Variants in CNIH3 observed in about 807,000 individuals in gnomAD.
CNIH3 encodes the protein cornichon family AMPA receptor auxiliary protein 3, also known as protein cornichon homolog 3.
In CNIH3, 14 loss-of-function variants were observed where a neutral mutation model predicts 24.1. That is an observed-to-expected ratio of 0.58 (90% CI 0.38 to 0.91). CNIH3 has a LOEUF of 0.91. CNIH3 is among the 40% of genes least tolerant of loss of function. The pLI, the probability that CNIH3 is intolerant of heterozygous loss-of-function variation, is 0.00. For synonymous variants in CNIH3, 68 were observed against 73.8 expected (o/e 0.92, Z 0.40); for missense variants, 178 against 196.8 (o/e 0.90, Z 0.57).
intron 1 of CNIH3, among the ~76,000 whole-genome samples, chr1:224,474,901 C>T (rs943567535): frequency 2.6e-5 from 4 of 151,430 alleles, no homozygotes; most frequent in Non-Finnish European, 4.4e-5. Flanking sequence ...AAAAGCCGGT[C>T]GTGGCAGTGG....
At position 224,701,424 on chromosome 1, in the gene CNIH3, G is replaced by T. The variant is rs192185050; in HGVS notation, c.198+16581G>T. 2.3e-3 allele frequency among the ~76,000 whole-genome samples: 344 copies of T among 152,206 alleles called. 1 individual carries two copies. Among genetic ancestry groups the T allele is most frequent in the South Asian group, 5.4e-3 (26 of 4,812 alleles). ...GTTCATAGACAGCTGTCTTCTTGCT[G>T]CAGCCTTACATGGTGGAGGGGCAAG... On this transcript the variant is annotated intron_variant, in intron 3 of 5. Coordinates refer to ENST00000272133, the MANE Select transcript of CNIH3 (RefSeq NM_152495.2).
intron 1 of CNIH3, among the ~76,000 whole-genome samples, chr1:224,635,905 G>A (rs1002699053): frequency 6.6e-6 from 1 of 151,956 alleles, no homozygotes; most frequent in African/African-American, 2.4e-5. Flanking sequence ...GAAATGGGGG[G>A]GTCTCACTCC....
chr1:224,567,924 G>GA (rs1238529546), intron 4 of CNIH3, among the ~76,000 whole-genome samples: 2 of 152,100 alleles, frequency 1.3e-5, no homozygotes, highest in African/African-American at 4.8e-5. Context: ...CTGATCCTGT[G>GA]GCATTCTTCC....
At chr1:224,688,630 A>G (rs555973148) in intron 3 of CNIH3, among the ~76,000 whole-genome samples, 4 of 152,244 alleles carry the variant, frequency 2.6e-5, no homozygotes, top group Admixed American at 1.3e-4. Flanking sequence ...ACATACTACA[A>G]AATTTACATA....
chr1:224,615,211 A>T, upstream of CNIH3: 1 of 152,122 alleles, frequency 6.6e-6, no homozygotes, highest in East Asian at 1.9e-4. Context: ...CACCCTGTGC[A>T]AGGTACCAGG....
At chr1:224,614,324 T>C (rs1682839414), upstream of CNIH3, among the ~76,000 whole-genome samples, 1 of 152,254 alleles carries the variant, frequency 6.6e-6, no homozygotes, top group East Asian at 1.9e-4. Flanking sequence ...CATCAGCCTC[T>C]GGATTTGCTC....
chr1:224,702,227 C>T (rs145644948), intron 3 of CNIH3, among the ~76,000 whole-genome samples: 1 of 152,090 alleles, frequency 6.6e-6, no homozygotes, highest in Non-Finnish European at 1.5e-5. Flanking sequence ...ATTACACAAG[C>T]TTTCATAATA....
chr1:224,590,505 G>A (rs1468298779), downstream of CNIH3, among the ~76,000 whole-genome samples: 1 of 152,166 alleles, frequency 6.6e-6, no homozygotes, highest in Non-Finnish European at 1.5e-5. Flanking sequence ...TCACAGTTCT[G>A]GGGCTGGGAA....
intron 3 of CNIH3, among the ~76,000 whole-genome samples, chr1:224,708,886 T>G (rs1687975084): frequency 6.6e-6 from 1 of 152,194 alleles, no homozygotes; most frequent in African/African-American, 2.4e-5. Flanking sequence ...AAATTTGTTT[T>G]CATTTGACTC....
intron 1 of CNIH3, among the ~76,000 whole-genome samples, chr1:224,642,017 G>T (rs1240101880): frequency 6.6e-6 from 1 of 152,160 alleles, no homozygotes; most frequent in African/African-American, 2.4e-5. Context: ...TGTAATTCCT[G>T]CCCTTAGGAT....
At chr1:224,516,362 A>G (rs964714900) in intron 1 of CNIH3, among the ~76,000 whole-genome samples, 11 of 148,696 alleles carry the variant, frequency 7.4e-5, no homozygotes, top group African/African-American at 2.7e-4. Context: ...TCGGCTTGGC[A>G]CATAAAGCCC....
intron 1 of CNIH3, among the ~76,000 whole-genome samples, chr1:224,643,040 T>G (rs1311598725): frequency 6.6e-6 from 1 of 152,226 alleles, no homozygotes; most frequent in Admixed American, 6.5e-5. Flanking sequence ...GTCAACCAGC[T>G]AAGATCTGGC....
Position 224,616,729 on chromosome 1 carries a change from G to C in CNIH3, c.-446G>C. On this transcript the variant is annotated 5_prime_UTR_variant, in exon 1 of 6. Coordinates refer to ENST00000272133, the MANE Select transcript of CNIH3 (RefSeq NM_152495.2). Reference sequence around the variant, plus strand: ...CCGGTGGCGCGGGAGGGTCCGGAGCGGAGCGCTCGTCTCTCCTCAGCGGTT... The same window carrying C: ...CCGGTGGCGCGGGAGGGTCCGGAGCCGAGCGCTCGTCTCTCCTCAGCGGTT... 1.0e-6 allele frequency: 1 copy of C among 999,076 alleles called. No individual in the cohort carries two copies. The allele number at this position is 999,076 out of a possible 1,614,324, so 61.9% of individuals were successfully genotyped here. A position where few individuals can be genotyped will look rare whatever the true frequency, so the allele number is the denominator to read the frequency against.
chr1:224,588,827 CT>C (rs1681618892), downstream of CNIH3, among the ~76,000 whole-genome samples: 1 of 151,562 alleles, frequency 6.6e-6, no homozygotes, highest in South Asian at 2.1e-4. Context: ...AAAAAAAAGA[CT>C]TTGGATAATA....
At chr1:224,595,016 C>T (rs1383120001) in intron 3 of CNIH3, among the ~76,000 whole-genome samples, 2 of 152,198 alleles carry the variant, frequency 1.3e-5, no homozygotes, top group South Asian at 2.1e-4. Flanking sequence ...ATTTCTCCAA[C>T]ATCATGTGCT....
chr1:224,612,461 G>C (rs1177136594), upstream of CNIH3, among the ~76,000 whole-genome samples: 1 of 152,142 alleles, frequency 6.6e-6, no homozygotes, highest in East Asian at 1.9e-4. The surrounding 1 kb of genome is among the most constrained non-coding windows in gnomAD (Gnocchi z 4.7). Context: ...GACCATCAAG[G>C]GTTGGGACTT....
chr1:224,681,034 G>T lies in CNIH3; in HGVS notation c.150+8G>T. 2 of 1,613,572 alleles carry T rather than the reference G, an allele frequency of 1.2e-6. No homozygotes were observed. The highest frequency in any genetic ancestry group is 1.7e-6 in the Non-Finnish European group (2 of 1,179,450). On this transcript the variant is annotated splice_region_variant and intron_variant, in intron 2 of 5. Coordinates refer to ENST00000272133, the MANE Select transcript of CNIH3 (RefSeq NM_152495.2). ...TGCAATCCTGTTCATGCGGTAAGTG[G>T]CGGGTACTGGTGAGGGGAAGGTGCT...
chr1:224,446,892 C>T (rs2102956412), intron 1 of CNIH3, among the ~76,000 whole-genome samples: 1 of 152,172 alleles, frequency 6.6e-6, no homozygotes, highest in East Asian at 1.9e-4. Flanking sequence ...CGTAACAAAA[C>T]CCTGAGGGAG....
intron 1 of CNIH3, among the ~76,000 whole-genome samples, chr1:224,622,958 C>A (rs1558223319): frequency 6.6e-6 from 1 of 152,220 alleles, no homozygotes; most frequent in Non-Finnish European, 1.5e-5. Context: ...TGGATGGTGC[C>A]TTTGCCACCA....
Sources: gnomAD v4.1 joint callset for allele counts (sites outside exome capture counted in the v4.1 genomes callset) on GRCh38, gnomAD v4.1.1 for gene constraint, Gnocchi (gnomAD v3.1) non-coding constraint, MANE v1.5 for transcripts, NCBI Gene and HGNC (gene_info 2026-07-23, HGNC 2026-07-21) for gene names.